The following TLN2 variants were observed in gnomAD, a reference collection of about 807,000 sequenced individuals.
TLN2 encodes talin 2.
Under a neutral mutation model 294.7 loss-of-function variants are expected in TLN2, and 118 were observed. That is an observed-to-expected ratio of 0.40 (90% CI 0.34 to 0.47). The LOEUF (loss-of-function observed/expected upper bound fraction) is 0.47, where lower values mean the gene tolerates loss of function less well. Among genes scored for constraint, TLN2 ranks in the 20% least tolerant of loss-of-function variants. The probability of loss-of-function intolerance (pLI) is 0.84; values close to 1 mark genes in which losing one functional copy is unlikely to be tolerated. For missense variants in TLN2, 3,083 were observed against 3,282.2 expected (o/e 0.94, Z 1.48); for synonymous variants, 1,431 against 1,304.5 (o/e 1.10, Z -2.09).
At chr15:62,665,071 T>C (rs570531507) in intron 9 of TLN2, among the ~76,000 whole-genome samples, 2 of 151,254 alleles carry the variant, frequency 1.3e-5, no homozygotes, top group African/African-American at 4.9e-5. Flanking sequence ...TCAACTATTT[T>C]TGTTGTTGTT....
intron 11 of TLN2, among the ~76,000 whole-genome samples, chr15:62,679,522 A>G (rs1424808881): frequency 6.6e-6 from 1 of 152,242 alleles, no homozygotes; most frequent in Non-Finnish European, 1.5e-5. Flanking sequence ...ACAAAAGACC[A>G]CATACTATAT....
At position 62,708,490 on chromosome 15, in the gene TLN2, G is replaced by C. The variant is rs1016179773; in HGVS notation, c.2173-12G>C. On this transcript the variant is annotated splice_polypyrimidine_tract_variant and intron_variant, in intron 20 of 58. Transcript: ENST00000636159. ...ACCACAGTGCCCAAAACCTGTTCCTGTCTCACTTCAGGTTGTGAGCCCCAC... is the reference window on the plus strand; with the variant it reads ...ACCACAGTGCCCAAAACCTGTTCCTCTCTCACTTCAGGTTGTGAGCCCCAC... 22 of 1,609,564 alleles carry C rather than the reference G, an allele frequency of 1.4e-5. No homozygotes were observed. Among genetic ancestry groups the C allele is most frequent in the Non-Finnish European group, 1.9e-5 (22 of 1,176,390 alleles).
At chr15:62,746,563 A>G (rs1210717413) in intron 32 of TLN2, among the ~76,000 whole-genome samples, 1 of 152,216 alleles carries the variant, frequency 6.6e-6, no homozygotes, top group Non-Finnish European at 1.5e-5. Context: ...CTCCTCATCA[A>G]ATAATTAAGC....
intron 8 of TLN2, among the ~76,000 whole-genome samples, 182 bp from the exon 9 acceptor site, chr15:62,657,589 T>C (rs2053370140): frequency 6.6e-6 from 1 of 152,212 alleles, no homozygotes; most frequent in Admixed American, 6.5e-5. Flanking sequence ...AAGTTTGTTT[T>C]TCTTTTGCCT....
intron 1 of TLN2, among the ~76,000 whole-genome samples, chr15:62,578,688 T>C (rs749081611): frequency 7.9e-5 from 12 of 152,310 alleles, no homozygotes; most frequent in South Asian, 6.2e-4. Flanking sequence ...GGTAGAGAGC[T>C]GAGAGGCCGC....
intron 1 of TLN2, among the ~76,000 whole-genome samples, chr15:62,415,731 T>G (rs2034040237): frequency 6.6e-6 from 1 of 152,182 alleles, no homozygotes; most frequent in Non-Finnish European, 1.5e-5. Flanking sequence ...TCACGGTCGC[T>G]GGGTCTGCTT....
chr15:62,494,633 A>G (rs1167006098), intron 1 of TLN2, among the ~76,000 whole-genome samples: 1 of 152,188 alleles, frequency 6.6e-6, no homozygotes, highest in African/African-American at 2.4e-5. Context: ...TTTAGTTGAA[A>G]AATAAAATCT....
chr15:62,528,606 C>T (rs1209669315), intron 1 of TLN2, among the ~76,000 whole-genome samples: 1 of 150,226 alleles, frequency 6.7e-6, no homozygotes, highest in Admixed American at 6.7e-5. Context: ...TAGAGAAATG[C>T]AGGGGCTATG....
chr15:62,795,304 G>A (rs1021360956), intron 46 of TLN2, among the ~76,000 whole-genome samples: 1 of 152,156 alleles, frequency 6.6e-6, no homozygotes, highest in Non-Finnish European at 1.5e-5. Context: ...AGGAGCTGGC[G>A]GGTGTGGTGA....
At chr15:62,537,522 G>C (rs1185414521) in intron 1 of TLN2, among the ~76,000 whole-genome samples, 1 of 152,172 alleles carries the variant, frequency 6.6e-6, no homozygotes, top group Non-Finnish European at 1.5e-5. Flanking sequence ...CTGTAAAAAA[G>C]ATGATCTTAT....
intron 1 of TLN2, among the ~76,000 whole-genome samples, chr15:62,398,623 A>T (rs1334356347): frequency 6.6e-6 from 1 of 152,158 alleles, no homozygotes; most frequent in Non-Finnish European, 1.5e-5. Context: ...GTGGTTTCAG[A>T]TGGAGATGAG....
intron 1 of TLN2, among the ~76,000 whole-genome samples, chr15:62,423,632 G>C (rs1221569445): frequency 6.6e-6 from 1 of 151,882 alleles, no homozygotes; most frequent in Non-Finnish European, 1.5e-5. Flanking sequence ...CCAAGCTGGA[G>C]TGCAGTGGCA....
chr15:62,719,930 A>G (rs370267073), intron 25 of TLN2, 50 bp downstream of exon 25: 2 of 1,429,764 alleles, frequency 1.4e-6, no homozygotes, highest in East Asian at 2.4e-5. Context: ...TCTTCTGGGC[A>G]GGGGCTGCCC....
At chr15:62,493,235 G>A (rs2038843530) in intron 1 of TLN2, among the ~76,000 whole-genome samples, 2 of 152,202 alleles carry the variant, frequency 1.3e-5, no homozygotes, top group African/African-American at 4.8e-5. Flanking sequence ...AGAAACAGCA[G>A]AGCCATGCTC....
chr15:62,520,301 T>C (rs1321095063), intron 1 of TLN2, among the ~76,000 whole-genome samples: 3 of 152,218 alleles, frequency 2.0e-5, no homozygotes, highest in African/African-American at 4.8e-5. Flanking sequence ...GTTGTACAGT[T>C]GTATGCCTCC....
Position 62,835,912 on chromosome 15 carries a change from A to G in TLN2, c.7213A>G (p.Thr2405Ala). The G allele has an allele frequency of 6.2e-7, 1 of 1,614,138 alleles. No homozygotes were observed. The highest frequency in any genetic ancestry group is 8.5e-7 in the Non-Finnish European group (1 of 1,180,020). ...CCAGGCCCGGATGGTGGCGGCTGCG[A>G]CCAGCAGTCTCTGTGAGGCGGCCAA... ...ISAARMVAAA[T>A]SSLCEAANAS... The change falls in exon 57 of 59, where the codon ACC becomes GCC. Residue 2405 changes from threonine (T) to alanine (A), a missense_variant. Transcript: ENST00000636159.
chr15:62,426,200 C>T (rs2034698271), intron 1 of TLN2, among the ~76,000 whole-genome samples: 1 of 152,200 alleles, frequency 6.6e-6, no homozygotes, highest in African/African-American at 2.4e-5. Flanking sequence ...TCCCTTGCTC[C>T]CTGCATCCTT....
rs796825153 is a variant in TLN2 at position 62,777,925 on chromosome 15, ATGCT to A, written c.5514+1018_5514+1021del. On this transcript the variant is annotated intron_variant, in intron 43 of 58. Coordinates refer to ENST00000636159, the MANE Select transcript of TLN2 (RefSeq NM_015059.3). ...GTAAGTTTGACATTCATTAGAAAGA[ATGCT>A]TGTTCATCAGCATCTAATTGCCATC... 9.8e-5 allele frequency among the ~76,000 whole-genome samples: 15 copies of A among 152,322 alleles called. No individual in the cohort carries two copies. The East Asian group carries it at 1.9e-3, about 20-fold the overall frequency.
At chr15:62,580,333 C>T (rs549511981) in intron 1 of TLN2, among the ~76,000 whole-genome samples, 53 of 152,180 alleles carry the variant, frequency 3.5e-4, no homozygotes, top group Non-Finnish European at 6.6e-4. Context: ...GTTGATGAAC[C>T]TATATTGACA....
Sources: gnomAD v4.1 joint callset for allele counts (sites outside exome capture counted in the v4.1 genomes callset) on GRCh38, gnomAD v4.1.1 for gene constraint, MANE v1.5 for transcripts, NCBI Gene and HGNC (gene_info 2026-07-23, HGNC 2026-07-21) for gene names.